PTPRM: variants seen among roughly 807,000 people sequenced by gnomAD.
PTPRM encodes the protein receptor-type tyrosine-protein phosphatase mu.
In PTPRM, 47 loss-of-function variants were observed where a neutral mutation model predicts 186.7. That is an observed-to-expected ratio of 0.25 (90% CI 0.20 to 0.32). The LOEUF is 0.32. Among genes scored for constraint, PTPRM ranks in the 10% least tolerant of loss-of-function variants. The probability of loss-of-function intolerance (pLI) is 1.00; values close to 1 mark genes in which losing one functional copy is unlikely to be tolerated. For missense variants in PTPRM, 1,494 were observed against 1,865.0 expected (o/e 0.80, Z 3.66); for synonymous variants, 668 against 674.9 (o/e 0.99, Z 0.16).
At chr18:8,338,826 C>T (rs1382329858) in intron 22 of PTPRM, among the ~76,000 whole-genome samples, 2 of 152,094 alleles carry the variant, frequency 1.3e-5, no homozygotes, top group Non-Finnish European at 2.9e-5. Flanking sequence ...TCGAAAATGC[C>T]ACTGTGAGCT....
chr18:7,678,732 C>T lies in PTPRM; in HGVS notation c.74-95417C>T, dbSNP rs564864838. Among the ~76,000 whole-genome samples, 6 of 152,266 alleles carry T rather than the reference C, an allele frequency of 3.9e-5. No homozygotes were observed. In the East Asian group the frequency reaches 1.2e-3, roughly 29 times the overall value. The stretch of plus-strand genomic sequence containing the variant: ...TCAGAATATCTTTGCTGGTCTGTAC[C>T]TATTGATCTCCTTCGTTACCGTTAC... On this transcript the variant is annotated intron_variant, in intron 1 of 32. Transcript: ENST00000580170.
chr18:8,036,406 T>C (rs1353973976), intron 7 of PTPRM, among the ~76,000 whole-genome samples: 1 of 152,228 alleles, frequency 6.6e-6, no homozygotes, highest in African/African-American at 2.4e-5. Flanking sequence ...CCTTCATTCC[T>C]TTTTAACACT....
At chr18:7,835,014 T>C (rs1385271921) in intron 2 of PTPRM, among the ~76,000 whole-genome samples, 2 of 105,610 alleles carry the variant, frequency 1.9e-5, no homozygotes, top group East Asian at 3.3e-4. Context: ...TTTTTTTTTT[T>C]AGTCTGGCTA....
chr18:7,997,181 T>C (rs2083588677), intron 7 of PTPRM, among the ~76,000 whole-genome samples: 1 of 152,100 alleles, frequency 6.6e-6, no homozygotes, highest in African/African-American at 2.4e-5. Context: ...TGGTGCTGCA[T>C]AAAAACAGAC....
intron 2 of PTPRM, among the ~76,000 whole-genome samples, chr18:7,807,267 ACT>A (rs2044282982): frequency 6.6e-6 from 1 of 152,086 alleles, no homozygotes; most frequent in Non-Finnish European, 1.5e-5. Context: ...TCCAGGAAAG[ACT>A]CTTCTTACAC....
intron 1 of PTPRM, among the ~76,000 whole-genome samples, chr18:7,569,108 G>A (rs745310096): frequency 1.1e-4 from 17 of 152,146 alleles, no homozygotes; most frequent in Non-Finnish European, 2.5e-4. Context: ...TAATGAAGAG[G>A]ACTTTCATAA....
At chr18:8,325,445 G>C (rs2446498) in intron 22 of PTPRM, among the ~76,000 whole-genome samples, 133,701 of 152,208 alleles carry the variant, frequency 0.88, 59,059 homozygotes, top group Middle Eastern at 0.94. Context: ...CGATTGGTCA[G>C]TTAGGATAAT....
intron 19 of PTPRM, among the ~76,000 whole-genome samples, chr18:8,256,379 A>AT (rs1439326038): frequency 2.0e-5 from 3 of 152,364 alleles, no homozygotes; most frequent in African/African-American, 7.2e-5. Context: ...AAATAGAATA[A>AT]TTATAGTCTC....
intron 14 of PTPRM, among the ~76,000 whole-genome samples, chr18:8,152,712 C>CTTTTTTTTTTTTTTT (rs35112154): frequency 3.5e-5 from 2 of 56,928 alleles, no homozygotes; most frequent in African/African-American, 7.6e-5. Flanking sequence ...TGCCTCACCT[C>CTTTTTTTTTTTTTTT]TTTTTTTTTT....
chr18:8,294,491 A>G (rs2147865688), intron 19 of PTPRM, among the ~76,000 whole-genome samples: 1 of 152,254 alleles, frequency 6.6e-6, no homozygotes, highest in East Asian at 1.9e-4. Flanking sequence ...GGAGAATGGC[A>G]TGGAGGTAAC....
chr18:8,159,354 C>T lies in PTPRM; in HGVS notation c.2300+15575C>T, dbSNP rs540850712. Among the ~76,000 whole-genome samples the T allele has an allele frequency of 3.2e-3, 490 of 152,160 alleles. 3 individuals carry two copies. The highest frequency in any genetic ancestry group is 0.011 in the African/African-American group (471 of 41,494). ...TTATCATTGTTATATTCATATGTGC[C>T]GTTTGCTTATGGCACTGCTGTGGTG... On this transcript the variant is annotated intron_variant, in intron 14 of 32. Transcript: ENST00000580170.
intron 2 of PTPRM, among the ~76,000 whole-genome samples, chr18:7,852,052 G>A (rs1156747606): frequency 6.6e-6 from 1 of 152,008 alleles, no homozygotes; most frequent in Non-Finnish European, 1.5e-5. Flanking sequence ...ACAAGCTACT[G>A]GCATGGAAAT....
At chr18:8,132,933 A>G (rs1264786609) in intron 13 of PTPRM, among the ~76,000 whole-genome samples, 3 of 152,194 alleles carry the variant, frequency 2.0e-5, no homozygotes, top group Non-Finnish European at 4.4e-5. Flanking sequence ...CAGCTGTAAC[A>G]GAATACCACA....
chr18:7,976,055 G>A (rs1455644833), intron 7 of PTPRM, among the ~76,000 whole-genome samples: 1 of 152,134 alleles, frequency 6.6e-6, no homozygotes, highest in Non-Finnish European at 1.5e-5. Context: ...TTTAATCCCA[G>A]CTACTCAGGA....
intron 1 of PTPRM, among the ~76,000 whole-genome samples, chr18:7,706,613 A>AC (rs1162056236): frequency 1.3e-4 from 19 of 148,770 alleles, no homozygotes; most frequent in African/African-American, 4.7e-4. Context: ...AAAAAAAAAA[A>AC]AAAAAAAAAA....
intron 14 of PTPRM, among the ~76,000 whole-genome samples, chr18:8,240,788 GAGAGAGAGAGAGAGAGAGA>G (rs2094422021): frequency 5.3e-5 from 4 of 75,188 alleles, no homozygotes; most frequent in South Asian, 5.4e-4. Context: ...GAGAGAGAGA[GAGAGAGAGAGAGAGAGAGA>G]GAGAGAGAGA....
chr18:8,291,682 A>C (rs1022374319), intron 19 of PTPRM, among the ~76,000 whole-genome samples: 6 of 152,222 alleles, frequency 3.9e-5, no homozygotes, highest in Admixed American at 3.3e-4. Context: ...CAAAATGTGC[A>C]CTGACTTTGC....
chr18:7,732,481 T>A lies in PTPRM; in HGVS notation c.74-41668T>A, dbSNP rs909342830. On this transcript the variant is annotated intron_variant, in intron 1 of 32. Coordinates refer to ENST00000580170, the MANE Select transcript of PTPRM (RefSeq NM_001105244.2). ...TACTTTATTTGATCTTAATAAATTATAATATTTGATTTTTTATTTTTAAAA... is the reference window on the plus strand; with the variant it reads ...TACTTTATTTGATCTTAATAAATTAAAATATTTGATTTTTTATTTTTAAAA... 3.9e-5 allele frequency among the ~76,000 whole-genome samples: 6 copies of A among 152,230 alleles called. No homozygotes were observed. The East Asian group carries it at 1.2e-3, about 29-fold the overall frequency.
chr18:8,182,285 A>T (rs1232611467), intron 14 of PTPRM, among the ~76,000 whole-genome samples: 1 of 152,070 alleles, frequency 6.6e-6, no homozygotes, highest in Non-Finnish European at 1.5e-5. Context: ...CATGATGCTG[A>T]GGTTTGGGCT....
Sources: gnomAD v4.1 joint callset for allele counts (sites outside exome capture counted in the v4.1 genomes callset) on GRCh38, gnomAD v4.1.1 for gene constraint, MANE v1.5 for transcripts, NCBI Gene and HGNC (gene_info 2026-07-23, HGNC 2026-07-21) for gene names.